The following SPAST variants were observed in gnomAD, a reference collection of about 807,000 sequenced individuals.
SPAST encodes spastin, also known as spastic paraplegia 4 (autosomal dominant; spastin).
In SPAST, 30 loss-of-function variants were observed where a neutral mutation model predicts 76.6. That is an observed-to-expected ratio of 0.39 (90% CI 0.29 to 0.53). The LOEUF is 0.53. Ranked by LOEUF, SPAST falls within the 20% of genes least tolerant of loss-of-function variation. The pLI is 0.68. For synonymous variants in SPAST, 305 were observed against 281.0 expected, an observed-to-expected ratio of 1.09 and a Z score of -0.86; for missense variants, 717 against 770.5, an observed-to-expected ratio of 0.93 and a Z score of 0.82.
intron 4 of SPAST, among the ~76,000 whole-genome samples, chr2:32,102,711 G>A (rs995746753): frequency 2.0e-5 from 3 of 152,190 alleles, no homozygotes; most frequent in African/African-American, 7.2e-5. Context: ...GGCCTTTTCT[G>A]CATCTATTGA....
chr2:32,103,053 C>T (rs1678187767), intron 4 of SPAST, among the ~76,000 whole-genome samples: 1 of 152,198 alleles, frequency 6.6e-6, no homozygotes, highest in Non-Finnish European at 1.5e-5. Context: ...ACCAGCTCCT[C>T]TTTGTACCTC....
rs55815291 is a variant in SPAST, at chr2:32,111,970, TTAGTAGTAGTAGTAGTAGTAG to T, written c.683-2645_683-2625del. On this transcript the variant is annotated intron_variant, in intron 4 of 16. Coordinates refer to ENST00000315285, the MANE Select transcript of SPAST (RefSeq NM_014946.4). ...ATTTATTTAAAAATGTATAATTAAG[TTAGTAGTAGTAGTAGTAGTAG>T]TAGTAGTAGTAGTAGTAGTAGTTTT... 7.1e-3 allele frequency among the ~76,000 whole-genome samples: 997 copies of T among 141,278 alleles called. 15 individuals carry two copies. Among genetic ancestry groups the T allele is most frequent in the African/African-American group, 0.025 (962 of 38,570 alleles). 92.7% of individuals were successfully genotyped at this position (141,278 alleles called of 152,430 possible).
chr2:32,068,941 G>A (rs1336700182), intron 1 of SPAST, among the ~76,000 whole-genome samples: 1 of 151,700 alleles, frequency 6.6e-6, no homozygotes, highest in Non-Finnish European at 1.5e-5. Context: ...CGGGTGCAGT[G>A]GCCCATGCCT....
chr2:32,089,324 A>G (rs991189518), intron 2 of SPAST, among the ~76,000 whole-genome samples, 198 bp from the exon 3 acceptor site: 1 of 151,266 alleles, frequency 6.6e-6, no homozygotes, highest in Admixed American at 6.6e-5. Context: ...GAAGTGAGCC[A>G]CAACACCTGG....
chr2:32,128,383 A>G (rs779263902), intron 8 of SPAST, 25 bp from the exon 9 acceptor site: 49 of 1,499,310 alleles, frequency 3.3e-5, no homozygotes, highest in Non-Finnish European at 4.3e-5. Context: ...AACTAATTTA[A>G]TATTTGCTCT....
intron 16 of SPAST, among the ~76,000 whole-genome samples, chr2:32,153,003 C>T (rs1680138079): frequency 1.3e-5 from 2 of 152,074 alleles, no homozygotes; most frequent in African/African-American, 4.8e-5. Context: ...TTGCTTCAGC[C>T]TCCCAAAGTT....
At chr2:32,085,521 A>G (rs1677439427) in intron 1 of SPAST, among the ~76,000 whole-genome samples, 1 of 152,108 alleles carries the variant, frequency 6.6e-6, no homozygotes, top group Non-Finnish European at 1.5e-5. Flanking sequence ...CCCAGTCTTC[A>G]TAAACTTTTC....
intron 9 of SPAST, among the ~76,000 whole-genome samples, chr2:32,131,323 C>T (rs1679363515): frequency 6.6e-6 from 1 of 152,192 alleles, no homozygotes; most frequent in South Asian, 2.1e-4. Context: ...ACTTGCACCT[C>T]ATTTTCATAC....
chr2:32,136,703 G>T, intron 10 of SPAST, 65 bp downstream of exon 10: 1 of 1,380,966 alleles, frequency 7.2e-7, no homozygotes, highest in Non-Finnish European at 1.0e-6. Context: ...AAATAGGAAA[G>T]ATACGATTGG....
intron 4 of SPAST, among the ~76,000 whole-genome samples, chr2:32,103,730 T>G (rs546685824): frequency 6.6e-6 from 1 of 152,304 alleles, no homozygotes; most frequent in South Asian, 2.1e-4. Context: ...ATATACCCAG[T>G]AGTCATTCAG....
At chr2:32,070,168 C>T (rs766305553) in intron 1 of SPAST, among the ~76,000 whole-genome samples, 1 of 151,368 alleles carries the variant, frequency 6.6e-6, no homozygotes, top group Non-Finnish European at 1.5e-5. Flanking sequence ...CGGGTTCAAG[C>T]GATTCTCCTG....
chr2:32,063,591 G>C lies in SPAST; in HGVS notation c.-241G>C. On this transcript the variant is annotated 5_prime_UTR_variant, in exon 1 of 17. Coordinates refer to ENST00000315285, the MANE Select transcript of SPAST (RefSeq NM_014946.4). ...CTGGGAGCCACCAGGCGGCGGAGAG[G>C]ACAGCGACAGGAAGGGAGGGGCCCG... 3.7e-6 allele frequency: 2 copies of C among 543,526 alleles called. No homozygotes were observed. Among genetic ancestry groups the C allele is most frequent in the Non-Finnish European group, 6.4e-6 (2 of 311,644 alleles). The allele number at this position is 543,526 out of a possible 1,614,324, so 33.7% of individuals were successfully genotyped here.
intron 7 of SPAST, among the ~76,000 whole-genome samples, chr2:32,117,209 C>T (rs7599924): frequency 6.6e-6 from 1 of 151,944 alleles, no homozygotes. Context: ...GCCGAGATCA[C>T]GCCACTGCAC....
chr2:32,145,125 T>C (rs1679845838), intron 15 of SPAST, 118 bp downstream of exon 15: 1 of 712,742 alleles, frequency 1.4e-6, no homozygotes, highest in Non-Finnish European at 2.5e-6. Context: ...AGGGTCTCAC[T>C]CTGTTGCCCA....
intron 1 of SPAST, among the ~76,000 whole-genome samples, chr2:32,079,559 C>A (rs1180137847): frequency 6.6e-6 from 1 of 151,062 alleles, no homozygotes; most frequent in African/African-American, 2.4e-5. Context: ...CGCCACCCCA[C>A]CCCTGCTTTT....
At chr2:32,074,099 T>C (rs1053600314) in intron 1 of SPAST, among the ~76,000 whole-genome samples, 5 of 152,158 alleles carry the variant, frequency 3.3e-5, no homozygotes, top group African/African-American at 1.2e-4. Flanking sequence ...AGATAGGATT[T>C]GGGCTCGTTT....
Position 32,091,860 on chromosome 2 carries a change from AAAT to A in SPAST, c.586+2267_586+2269del, listed in dbSNP as rs566698777. 6.3e-4 allele frequency among the ~76,000 whole-genome samples: 95 copies of A among 151,836 alleles called. 3 individuals carry two copies. The South Asian group carries it at 0.018, about 30-fold the overall frequency. On this transcript the variant is annotated intron_variant, in intron 3 of 16. Transcript: ENST00000315285. ...AAAAAATAAAATAAAATAAATAGAT[AAAT>A]AATAATAATAAAGTGCTGGGATTAC... is the stretch of plus-strand genomic sequence containing the variant.
chr2:32,070,979 A>G (rs1485040488), intron 1 of SPAST, among the ~76,000 whole-genome samples: 1 of 152,204 alleles, frequency 6.6e-6, no homozygotes, highest in Non-Finnish European at 1.5e-5. Flanking sequence ...ATGGACTCAA[A>G]ATATTGTACT....
At chr2:32,116,781 A>G (rs1678851957) in intron 7 of SPAST, among the ~76,000 whole-genome samples, 1 of 152,172 alleles carries the variant, frequency 6.6e-6, no homozygotes. Context: ...TTTGATATCA[A>G]GGTGAGAGAG....
Sources: gnomAD v4.1 joint callset for allele counts (sites outside exome capture counted in the v4.1 genomes callset) on GRCh38, gnomAD v4.1.1 for gene constraint, MANE v1.5 for transcripts, NCBI Gene and HGNC (gene_info 2026-07-23, HGNC 2026-07-21) for gene names.